Variants in NR6A1 observed in about 807,000 individuals in gnomAD.
The protein encoded by NR6A1 is nuclear receptor subfamily 6 group A member 1, also known as retinoic acid receptor-related testis-associated receptor.
Under a neutral mutation model 59.1 loss-of-function variants are expected in NR6A1, and 7 were observed. The ratio of observed to expected loss-of-function variants is 0.12; its 90% CI spans 0.07 to 0.22. NR6A1 has a LOEUF of 0.22. Ranked by LOEUF, NR6A1 falls within the 10% of genes least tolerant of loss-of-function variation. The pLI, the probability that NR6A1 is intolerant of heterozygous loss-of-function variation, is 1.00. For synonymous variants in NR6A1, 243 were observed against 236.1 expected (o/e 1.03, Z -0.27); for missense variants, 468 against 611.6 (o/e 0.77, Z 2.48).
At position 124,654,905 on chromosome 9, in the gene NR6A1, C is replaced by CACACAT. The variant is rs1490223642; in HGVS notation, c.142+78402_142+78403insATGTGT. Among the ~76,000 whole-genome samples, 4 of 150,214 alleles carry CACACAT rather than the reference C, an allele frequency of 2.7e-5. No homozygotes were observed. In the East Asian group the frequency reaches 7.8e-4, roughly 29 times the overall value. ...ACACACACACACACACACACACACACACACACACCTGCCAAACAAACAGAA... is the reference window on the plus strand; with the variant it reads ...ACACACACACACACACACACACACACACACATACACACACCTGCCAAACAAACAGAA... On this transcript the variant is annotated intron_variant, in intron 2 of 9. Transcript: ENST00000487099.
Position 124,757,843 on chromosome 9 carries a change from G to A in NR6A1, c.100+13177C>T, listed in dbSNP as rs890515202. On this transcript the variant is annotated intron_variant, in intron 1 of 9. Coordinates refer to ENST00000487099, the MANE Select transcript of NR6A1 (RefSeq NM_033334.4). ...GAAACATCGGGTATTCTCCAGCCAG[G>A]AGTCCTTATCTATGCTCTGAAACTA... Among the ~76,000 whole-genome samples the A allele has an allele frequency of 5.8e-4, 89 of 152,306 alleles. 1 individual carries two copies. Among genetic ancestry groups the A allele is most frequent in the Non-Finnish European group, 2.2e-4 (15 of 68,028 alleles).
intron 2 of NR6A1, among the ~76,000 whole-genome samples, chr9:124,653,456 C>T (rs1837160541): frequency 6.6e-6 from 1 of 152,116 alleles, no homozygotes; most frequent in African/African-American, 2.4e-5. Context: ...CTGTCACCAT[C>T]CTGGAGTATG....
intron 2 of NR6A1, 57 bp from the exon 3 acceptor site, chr9:124,554,627 TA>T (rs1833876772): frequency 6.2e-7 from 1 of 1,608,232 alleles, no homozygotes; most frequent in Admixed American, 1.7e-5. Flanking sequence ...CTACAGTTCC[TA>T]AAGTGAGCAA....
chr9:124,697,351 C>A (rs984425607), intron 2 of NR6A1, among the ~76,000 whole-genome samples: 8 of 151,824 alleles, frequency 5.3e-5, no homozygotes, highest in African/African-American at 1.9e-4. Context: ...CTAATTCTAA[C>A]GAACAAATAG....
In NR6A1 at chr9:124,536,126, A is replaced by C. The variant is rs1378634540; in HGVS notation, c.831T>G (p.Ala277=). 3.1e-6 allele frequency: 5 copies of C among 1,612,100 alleles called. No homozygotes were observed. The East Asian group carries it at 1.1e-4, about 36-fold the overall frequency. ...GTPMLIEDGY[A]VTQAELFALL... is the part of the protein sequence containing the mutation. Reference sequence around the variant, plus strand: ...GGGCAAATAGTTCTGCCTGTGTCACAGCGTATCTGAGGGGCAGGGACAGGG... The same window carrying C: ...GGGCAAATAGTTCTGCCTGTGTCACCGCGTATCTGAGGGGCAGGGACAGGG... The change falls in exon 7 of 10, where the codon GCT becomes GCG. Residue 277 remains alanine (A), a synonymous_variant. Transcript: ENST00000487099.
chr9:124,540,523 A>G lies in NR6A1; in HGVS notation c.442-336T>C, dbSNP rs994044739. Among the ~76,000 whole-genome samples the G allele has an allele frequency of 2.0e-5, 3 of 152,162 alleles. No homozygotes were observed. In the East Asian group the frequency reaches 5.8e-4, roughly 29 times the overall value. ...ATCTCCTACTTGCCCTTTAAGATTCAATTCAAATGTCACCTCTTGCCAGGC... is the reference window on the plus strand; with the variant it reads ...ATCTCCTACTTGCCCTTTAAGATTCGATTCAAATGTCACCTCTTGCCAGGC... On this transcript the variant is annotated intron_variant, in intron 4 of 9. Coordinates refer to ENST00000487099, the MANE Select transcript of NR6A1 (RefSeq NM_033334.4).
chr9:124,598,803 T>G, intron 2 of NR6A1: 1 of 877,144 alleles, frequency 1.1e-6, no homozygotes, highest in Non-Finnish European at 1.9e-6. Flanking sequence ...ATCGCTTTTT[T>G]GCCGGATCTT....
intron 2 of NR6A1, among the ~76,000 whole-genome samples, chr9:124,664,333 C>A (rs1837538125): frequency 6.6e-6 from 1 of 152,146 alleles, no homozygotes; most frequent in Non-Finnish European, 1.5e-5. Flanking sequence ...GGTTTTCTCC[C>A]AGAAATTGGC....
intron 2 of NR6A1, among the ~76,000 whole-genome samples, chr9:124,625,753 C>T (rs1476924387): frequency 3.9e-5 from 6 of 152,106 alleles, no homozygotes; most frequent in South Asian, 4.1e-4. Flanking sequence ...TTAACATTTA[C>T]GTCTGCAAAC....
chr9:124,715,620 T>C (rs1480427063), intron 2 of NR6A1, among the ~76,000 whole-genome samples: 1 of 151,840 alleles, frequency 6.6e-6, no homozygotes, highest in Non-Finnish European at 1.5e-5. Flanking sequence ...ACAGAGTCAA[T>C]ACAATTCAAT....
intron 2 of NR6A1, among the ~76,000 whole-genome samples, chr9:124,731,722 A>C (rs1839888327): frequency 6.6e-6 from 1 of 152,194 alleles, no homozygotes; most frequent in South Asian, 2.1e-4. Flanking sequence ...CTTCCTTATG[A>C]CTTTCTTAAC....
At chr9:124,563,617 C>T (rs1274405699) in intron 2 of NR6A1, among the ~76,000 whole-genome samples, 2 of 152,320 alleles carry the variant, frequency 1.3e-5, no homozygotes, top group East Asian at 1.9e-4. Context: ...AAATTTGTTA[C>T]ACTGAATCAC....
At chr9:124,695,654 G>A (rs757329097) in intron 2 of NR6A1, among the ~76,000 whole-genome samples, 4 of 152,138 alleles carry the variant, frequency 2.6e-5, no homozygotes, top group Non-Finnish European at 4.4e-5. Context: ...ATAGGCATGA[G>A]TCACCGCGCC....
At chr9:124,679,627 A>T (rs905069582) in intron 2 of NR6A1, among the ~76,000 whole-genome samples, 1 of 152,136 alleles carries the variant, frequency 6.6e-6, no homozygotes, top group Admixed American at 6.5e-5. Flanking sequence ...ACAGTGGCTG[A>T]TGCCTGTAAT....
At chr9:124,722,026 T>G (rs946211718) in intron 2 of NR6A1, among the ~76,000 whole-genome samples, 3 of 152,230 alleles carry the variant, frequency 2.0e-5, no homozygotes, top group Non-Finnish European at 4.4e-5. Context: ...AAACATTCTG[T>G]GCATAGTAAA....
intron 2 of NR6A1, among the ~76,000 whole-genome samples, chr9:124,698,007 A>T (rs1301151529): frequency 6.6e-6 from 1 of 152,222 alleles, no homozygotes; most frequent in Non-Finnish European, 1.5e-5. Flanking sequence ...GTGTTTTGTA[A>T]GCGCTGCCAA....
intron 2 of NR6A1, among the ~76,000 whole-genome samples, chr9:124,635,447 T>G (rs909246343): frequency 3.9e-5 from 6 of 152,218 alleles, no homozygotes; most frequent in African/African-American, 1.4e-4. Context: ...CCCCTTTCAC[T>G]CTGCATTCAT....
intron 2 of NR6A1, among the ~76,000 whole-genome samples, chr9:124,623,810 C>G (rs910894215): frequency 2.0e-5 from 3 of 152,152 alleles, no homozygotes; most frequent in Non-Finnish European, 4.4e-5. Flanking sequence ...TCTGCTTAGA[C>G]CAGAAAGTTA....
At chr9:124,731,818 T>C (rs112220528) in intron 2 of NR6A1, among the ~76,000 whole-genome samples, 7 of 152,250 alleles carry the variant, frequency 4.6e-5, no homozygotes, top group South Asian at 4.1e-4. Flanking sequence ...ATCTACTGAT[T>C]ATGTTATCGG....
Sources: allele counts gnomAD v4.1 joint callset (sites outside exome capture counted in the v4.1 genomes callset), GRCh38; gene constraint gnomAD v4.1.1; transcripts MANE v1.5; gene names NCBI Gene and HGNC (gene_info 2026-07-23, HGNC 2026-07-21).